AGBL4: variants seen among roughly 807,000 people sequenced by gnomAD.
The protein encoded by AGBL4 is cytosolic carboxypeptidase 6.
AGBL4 carries 58 observed loss-of-function variants against 66.4 expected under a neutral mutation model. The ratio of observed to expected loss-of-function variants is 0.87; its 90% CI spans 0.71 to 1.09. AGBL4 has a LOEUF of 1.09. AGBL4 is among the 50% of genes least tolerant of loss of function. AGBL4 has a pLI of 0.00. For missense variants in AGBL4, 579 were observed against 631.0 expected, an observed-to-expected ratio of 0.92 and a Z score of 0.88; for synonymous variants, 234 against 222.9, an observed-to-expected ratio of 1.05 and a Z score of -0.44.
chr1:49,851,247 C>G, intron 2 of AGBL4, 149 bp downstream of exon 2: 2 of 817,882 alleles, frequency 2.4e-6, no homozygotes, highest in Non-Finnish European at 3.4e-6. Context: ...CAAGTTAGTT[C>G]CTTCAAAATT....
chr1:49,974,383 A>G (rs749737314), intron 1 of AGBL4, among the ~76,000 whole-genome samples: 1 of 152,202 alleles, frequency 6.6e-6, no homozygotes, highest in Non-Finnish European at 1.5e-5. Flanking sequence ...AGCAGCAATG[A>G]GAGGTTATAA....
At chr1:49,950,790 C>G (rs1310675743) in intron 1 of AGBL4, among the ~76,000 whole-genome samples, 2 of 151,724 alleles carry the variant, frequency 1.3e-5, no homozygotes, top group African/African-American at 4.8e-5. Context: ...CTCCCAAGTT[C>G]ATTGCAGCAT....
rs1645675038 is a variant in AGBL4 at position 49,831,437 on chromosome 1, G to C, written c.157+19959C>G. On this transcript the variant is annotated intron_variant, in intron 2 of 13. Transcript: ENST00000371839. The stretch of plus-strand genomic sequence containing the variant: ...CTATTATTGGTGTATAGGAACACTT[G>C]TGATTTTTGCATATTGATTTTGTAT... Among the ~76,000 whole-genome samples the C allele has an allele frequency of 2.6e-5, 4 of 152,122 alleles. No homozygotes were observed. In the South Asian group the frequency reaches 8.3e-4, roughly 32 times the overall value.
At chr1:49,650,254 G>A (rs1645976142) in intron 3 of AGBL4, among the ~76,000 whole-genome samples, 1 of 152,132 alleles carries the variant, frequency 6.6e-6, no homozygotes, top group African/African-American at 2.4e-5. Context: ...AGAGCCCATA[G>A]GAAAAAAGCT....
Position 49,135,883 on chromosome 1 carries a change from G to T in AGBL4, c.378-90083C>A, listed in dbSNP as rs976070495. On this transcript the variant is annotated intron_variant, in intron 4 of 13. Coordinates refer to ENST00000371839, the MANE Select transcript of AGBL4 (RefSeq NM_032785.4). ...TTTACGGCCAGATTTTGGGAGGCCT[G>T]CTCCCAACAGTACACAAAATGAGTA... Among the ~76,000 whole-genome samples the T allele has an allele frequency of 2.0e-5, 3 of 152,216 alleles. No individual in the cohort carries two copies. The South Asian group carries it at 6.2e-4, about 32-fold the overall frequency.
At chr1:49,648,102 T>C (rs1269097160) in intron 3 of AGBL4, among the ~76,000 whole-genome samples, 1 of 152,056 alleles carries the variant, frequency 6.6e-6, no homozygotes, top group Non-Finnish European at 1.5e-5. Context: ...ATGTTAAGAA[T>C]GCTAATGGGT....
intron 8 of AGBL4, 73 bp downstream of exon 8, chr1:48,653,264 C>T: frequency 1.7e-6 from 2 of 1,171,800 alleles, no homozygotes; most frequent in South Asian, 1.5e-5. Context: ...AAAAATATAT[C>T]CCGTATTTTT....
At chr1:48,837,492 G>T (rs150416703) in intron 6 of AGBL4, among the ~76,000 whole-genome samples, 1 of 151,626 alleles carries the variant, frequency 6.6e-6, no homozygotes, top group South Asian at 2.1e-4. Flanking sequence ...AAAACAGGAA[G>T]ATCACTTAGC....
At chr1:49,950,843 T>C (rs973759152) in intron 1 of AGBL4, among the ~76,000 whole-genome samples, 8 of 151,760 alleles carry the variant, frequency 5.3e-5, no homozygotes, top group Non-Finnish European at 1.2e-4. Flanking sequence ...AAGTGTCAAT[T>C]GATAAATGAA....
intron 2 of AGBL4, among the ~76,000 whole-genome samples, chr1:49,818,769 A>G (rs1407298239): frequency 6.6e-6 from 1 of 152,230 alleles, no homozygotes; most frequent in African/African-American, 2.4e-5. Flanking sequence ...TGCATGATAC[A>G]GAATGGGAAG....
intron 2 of AGBL4, among the ~76,000 whole-genome samples, chr1:49,772,053 T>G (rs72686747): frequency 0.05 from 7,545 of 152,188 alleles, 297 homozygotes; most frequent in East Asian, 0.15. Context: ...CCCTTCTTCC[T>G]TTCTTCCTCT....
intron 1 of AGBL4, among the ~76,000 whole-genome samples, chr1:49,957,070 A>G (rs1458457611): frequency 1.3e-5 from 2 of 152,020 alleles, no homozygotes; most frequent in East Asian, 1.9e-4. Context: ...TAAAAGCAGA[A>G]AAGTCAACAG....
At chr1:48,625,849 T>G (rs553027833) in intron 9 of AGBL4, among the ~76,000 whole-genome samples, 1 of 152,188 alleles carries the variant, frequency 6.6e-6, no homozygotes, top group Admixed American at 6.5e-5. Flanking sequence ...TGCTTTCTGC[T>G]GGAGTCAAAG....
intron 3 of AGBL4, among the ~76,000 whole-genome samples, chr1:49,404,244 T>C (rs909870678): frequency 6.6e-6 from 1 of 152,176 alleles, no homozygotes; most frequent in African/African-American, 2.4e-5. Flanking sequence ...CTAAAAAGAT[T>C]AGTGTCCTTA....
chr1:48,687,724 C>T (rs1316867913), intron 6 of AGBL4, among the ~76,000 whole-genome samples: 2 of 152,224 alleles, frequency 1.3e-5, no homozygotes, highest in Non-Finnish European at 2.9e-5. Flanking sequence ...GATCTGCTGC[C>T]TCAGTGCTCA....
chr1:48,770,703 T>C (rs1265111842), intron 6 of AGBL4, among the ~76,000 whole-genome samples: 2 of 152,114 alleles, frequency 1.3e-5, no homozygotes, highest in African/African-American at 4.8e-5. Flanking sequence ...TACTCATCAT[T>C]TTCCCTTTCA....
chr1:48,886,687 G>C (rs1188186554), intron 5 of AGBL4, among the ~76,000 whole-genome samples: 1 of 151,994 alleles, frequency 6.6e-6, no homozygotes, highest in Non-Finnish European at 1.5e-5. Context: ...CGAGTAGCTG[G>C]GACTACAGGC....
intron 4 of AGBL4, among the ~76,000 whole-genome samples, chr1:49,200,224 T>C (rs1292565921): frequency 1.3e-5 from 2 of 152,146 alleles, no homozygotes; most frequent in Admixed American, 1.3e-4. Context: ...TTTTCCCACT[T>C]TCCCACTTCT....
At position 49,153,301 on chromosome 1, in the gene AGBL4, G is replaced by A. The variant is rs2148124386; in HGVS notation, c.377+92469C>T. On this transcript the variant is annotated intron_variant, in intron 4 of 13. Coordinates refer to ENST00000371839, the MANE Select transcript of AGBL4 (RefSeq NM_032785.4). ...TGTCACTGAGGGGAGGAGAGGTGAA[G>A]GTAAGGTTCTGCTTGAAATTCAACT... is the stretch of plus-strand genomic sequence containing the variant. Among the ~76,000 whole-genome samples, 2 of 152,090 alleles carry A rather than the reference G, an allele frequency of 1.3e-5. 1 individual carries two copies. Among genetic ancestry groups the A allele is most frequent in the Middle Eastern group, 6.8e-3 (2 of 294 alleles).
Sources: gnomAD v4.1 joint callset for allele counts (sites outside exome capture counted in the v4.1 genomes callset) on GRCh38, gnomAD v4.1.1 for gene constraint, MANE v1.5 for transcripts, NCBI Gene and HGNC (gene_info 2026-07-23, HGNC 2026-07-21) for gene names.